TSC22D1: variants seen among roughly 807,000 people sequenced by gnomAD.
TSC22D1 encodes the protein TSC22 domain family protein 1.
In TSC22D1, 9 loss-of-function variants were observed where a neutral mutation model predicts 74.2. The observed-to-expected ratio is 0.12, with a 90% CI of 0.07 to 0.21. The LOEUF is 0.21. Among genes scored for constraint, TSC22D1 ranks in the 10% least tolerant of loss-of-function variants. TSC22D1 has a pLI of 1.00. For missense variants in TSC22D1, 1,427 were observed against 1,304.7 expected (o/e 1.09, Z -1.44); for synonymous variants, 586 against 492.5 (o/e 1.19, Z -2.51).
chr13:44,486,742 G>A (rs1220834596), intron 1 of TSC22D1, among the ~76,000 whole-genome samples: 2 of 152,104 alleles, frequency 1.3e-5, no homozygotes, highest in Non-Finnish European at 2.9e-5. Context: ...ATACAACCAC[G>A]TTTGCTGAAC....
chr13:44,509,434 T>G (rs1010565959), intron 1 of TSC22D1, among the ~76,000 whole-genome samples: 1 of 152,030 alleles, frequency 6.6e-6, no homozygotes, highest in African/African-American at 2.4e-5. Flanking sequence ...AGGTCAGGAG[T>G]TTGAGACCAG....
chr13:44,547,874 C>T (rs924693532), intron 1 of TSC22D1, among the ~76,000 whole-genome samples: 3 of 152,262 alleles, frequency 2.0e-5, no homozygotes, highest in Middle Eastern at 3.4e-3. Context: ...ACTACAGCCT[C>T]GAACTCCTGG....
At chr13:44,492,700 T>C (rs1267636186) in intron 1 of TSC22D1, among the ~76,000 whole-genome samples, 1 of 152,114 alleles carries the variant, frequency 6.6e-6, no homozygotes, top group Non-Finnish European at 1.5e-5. Context: ...TGGTGGAGGA[T>C]GGGGCTGGGA....
intron 1 of TSC22D1, among the ~76,000 whole-genome samples, chr13:44,546,646 A>G (rs1881843151): frequency 1.3e-5 from 2 of 152,170 alleles, no homozygotes; most frequent in Non-Finnish European, 2.9e-5. Context: ...AAAAATGCCT[A>G]GAGTAGTTGG....
intron 1 of TSC22D1, among the ~76,000 whole-genome samples, chr13:44,562,815 C>T (rs1018968835): frequency 2.6e-5 from 4 of 152,032 alleles, no homozygotes; most frequent in South Asian, 2.1e-4. Context: ...TCTATAAAAA[C>T]GCTAAATTGA....
intron 1 of TSC22D1, chr13:44,539,470 A>C (rs1307896137): frequency 5.1e-6 from 5 of 985,238 alleles, no homozygotes; most frequent in Non-Finnish European, 6.0e-6. Flanking sequence ...GAAGTCCACT[A>C]ATACCACAAA....
At chr13:44,446,134 TAAAC>T (rs1012988990) in intron 1 of TSC22D1, among the ~76,000 whole-genome samples, 7 of 152,220 alleles carry the variant, frequency 4.6e-5, no homozygotes, top group African/African-American at 1.7e-4. Flanking sequence ...GGAGAAAAGA[TAAAC>T]AAACCATGGT....
intron 1 of TSC22D1, among the ~76,000 whole-genome samples, chr13:44,515,208 T>G (rs1479496693): frequency 6.6e-6 from 1 of 152,176 alleles, no homozygotes; most frequent in Non-Finnish European, 1.5e-5. Flanking sequence ...GTATTATATT[T>G]AGTAGCAAAA....
At chr13:44,483,505 C>T (rs1878280102) in intron 1 of TSC22D1, among the ~76,000 whole-genome samples, 1 of 151,830 alleles carries the variant, frequency 6.6e-6, no homozygotes, top group African/African-American at 2.4e-5. Context: ...ACTACAAATA[C>T]AAAAAATAAA....
chr13:44,550,761 TAGTG>T (rs1292582316), intron 1 of TSC22D1, among the ~76,000 whole-genome samples: 1 of 148,878 alleles, frequency 6.7e-6, no homozygotes, highest in Non-Finnish European at 1.5e-5. Flanking sequence ...CTGGGCAACA[TAGTG>T]AGACTCCATC....
Position 44,432,219 on chromosome 13 carries a change from T to C in TSC22D1, c.*2407A>G, listed in dbSNP as rs1874103854. 1 of 152,196 alleles carries C rather than the reference T, an allele frequency of 6.6e-6. No homozygotes were observed. Among genetic ancestry groups the C allele is most frequent in the African/African-American group, 2.4e-5 (1 of 41,440 alleles). The allele number at this position is 152,196 out of a possible 1,614,324, so 9.4% of individuals were successfully genotyped here. A position where few individuals can be genotyped will look rare whatever the true frequency, so the allele number is the denominator to read the frequency against. On this transcript the variant is annotated 3_prime_UTR_variant, in exon 3 of 3. Coordinates refer to ENST00000458659, the MANE Select transcript of TSC22D1 (RefSeq NM_183422.4). Reference sequence around the variant, plus strand: ...GCCAAAATTTCATGAGTCTCACATTTTTAATAAAAAGACCCAAAGTTCCAT... The same window carrying C: ...GCCAAAATTTCATGAGTCTCACATTCTTAATAAAAAGACCCAAAGTTCCAT...
intron 1 of TSC22D1, among the ~76,000 whole-genome samples, chr13:44,471,525 A>G (rs927497220): frequency 2.6e-5 from 4 of 152,234 alleles, no homozygotes; most frequent in Non-Finnish European, 5.9e-5. Flanking sequence ...GAGATTAAGT[A>G]TGGTAAATTT....
intron 1 of TSC22D1, chr13:44,539,188 A>G: frequency 4.1e-6 from 4 of 985,266 alleles, no homozygotes; most frequent in Non-Finnish European, 4.8e-6. Flanking sequence ...GGGATACTGT[A>G]TCCTGAAACT....
intron 1 of TSC22D1, among the ~76,000 whole-genome samples, chr13:44,472,789 C>T (rs1325851575): frequency 6.6e-6 from 1 of 152,166 alleles, no homozygotes; most frequent in African/African-American, 2.4e-5. Context: ...AGGCAATTTT[C>T]TTTGTTTTGA....
rs1159320185 is a variant in TSC22D1 at position 44,575,833 on chromosome 13, G to A, written c.242C>T (p.Pro81Leu). 2 of 1,614,120 alleles carry A rather than the reference G, an allele frequency of 1.2e-6. No individual in the cohort carries two copies. The highest frequency in any genetic ancestry group is 1.7e-6 in the Non-Finnish European group (2 of 1,180,004). The change falls in exon 1 of 3, where the codon CCT (proline) becomes CTT (leucine). Residue 81 changes from proline (P) to leucine (L), a missense_variant. Physicochemically the swap from Pro to Leu is moderately conservative, Grantham distance 98. Transcript: ENST00000458659. The stretch of plus-strand genomic sequence containing the variant: ...CGAAAGGAGGTTCAGGCTTTGTGGA[G>A]GCGGAGGCTGTGGTCCCGACGTAGA... ...ASSTSGPQPPPPQSLNLLSQA... is the reference protein window; with the variant it reads ...ASSTSGPQPPLPQSLNLLSQA...
chr13:44,537,557 A>T, intron 1 of TSC22D1: 1 of 985,064 alleles, frequency 1.0e-6, no homozygotes, highest in Non-Finnish European at 1.2e-6. Context: ...AGCAAATATC[A>T]TTTTTAGTTC....
At chr13:44,435,487 A>G (rs1319871341) in intron 2 of TSC22D1, among the ~76,000 whole-genome samples, 2 of 152,238 alleles carry the variant, frequency 1.3e-5, no homozygotes, top group Admixed American at 6.5e-5. Context: ...GCGCTGCTCC[A>G]ATAACAAAGA....
At chr13:44,526,741 T>C (rs546450183) in intron 1 of TSC22D1, among the ~76,000 whole-genome samples, 49 of 152,278 alleles carry the variant, frequency 3.2e-4, no homozygotes, top group Non-Finnish European at 6.6e-4. Context: ...TTTTGCACCA[T>C]TGTAAAGCTG....
At chr13:44,508,787 G>T (rs78985164) in intron 1 of TSC22D1, among the ~76,000 whole-genome samples, 2,310 of 152,128 alleles carry the variant, frequency 0.015, 47 homozygotes, top group African/African-American at 0.052. Context: ...AAGTCTCCCT[G>T]CTGTTCCTCG....
Sources: allele counts gnomAD v4.1 joint callset (sites outside exome capture counted in the v4.1 genomes callset), GRCh38; gene constraint gnomAD v4.1.1; transcripts MANE v1.5; gene names NCBI Gene and HGNC (gene_info 2026-07-23, HGNC 2026-07-21).